Variants in BTAF1 observed in about 807,000 individuals in gnomAD.
BTAF1 encodes B-TFIID TATA-box binding protein associated factor 1, also known as TATA-binding protein-associated factor 172.
Under a neutral mutation model 227.1 loss-of-function variants are expected in BTAF1, and 38 were observed. That is an observed-to-expected ratio of 0.17 (90% confidence interval 0.13 to 0.22). The LOEUF is 0.22. Among genes scored for constraint, BTAF1 ranks in the 10% least tolerant of loss-of-function variants. The probability of loss-of-function intolerance (pLI) is 1.00; values close to 1 mark genes in which losing one functional copy is unlikely to be tolerated. For missense variants in BTAF1, 1,598 were observed against 2,204.0 expected (o/e 0.73, Z 5.51); for synonymous variants, 742 against 751.9 (o/e 0.99, Z 0.21).
intron 15 of BTAF1, 48 bp downstream of exon 15, chr10:91,980,606 A>G: frequency 1.4e-6 from 2 of 1,452,112 alleles, no homozygotes; most frequent in East Asian, 2.3e-5. Flanking sequence ...ACTTTTGTAG[A>G]TTTTTAAAAT....
chr10:91,953,673 C>A, intron 5 of BTAF1, 64 bp from the exon 6 acceptor site: 1 of 1,545,904 alleles, frequency 6.5e-7, no homozygotes, highest in South Asian at 1.2e-5. Flanking sequence ...TCTTCTGAGG[C>A]TGAGACTATA....
intron 2 of BTAF1, among the ~76,000 whole-genome samples, chr10:91,937,256 G>A (rs1278746980): frequency 6.6e-6 from 1 of 152,100 alleles, no homozygotes; most frequent in East Asian, 1.9e-4. Flanking sequence ...GCCTCCCAAA[G>A]TGCTGGGATT....
At position 91,997,861 on chromosome 10, in the gene BTAF1, C is replaced by T. The variant is rs1337836748; in HGVS notation, c.3660+110C>T. On this transcript the variant is annotated intron_variant, in intron 25 of 37. Coordinates refer to ENST00000265990, the MANE Select transcript of BTAF1 (RefSeq NM_003972.3). ...CAAAGGCTCATGCCTGTAATCCCAG[C>T]ACTTTCTGAGGCTGAGGTGGGTGGA... 7 of 1,139,870 alleles carry T rather than the reference C, an allele frequency of 6.1e-6. No homozygotes were observed. In the African/African-American group the frequency reaches 1.1e-4, roughly 18 times the overall value. 70.6% of individuals were successfully genotyped at this position (1,139,870 alleles called of 1,614,324 possible).
chr10:91,963,637 A>G (rs938084189), intron 12 of BTAF1, among the ~76,000 whole-genome samples: 4 of 152,170 alleles, frequency 2.6e-5, no homozygotes, highest in African/African-American at 9.7e-5. Flanking sequence ...TATCAAAATC[A>G]GAACACAAAG....
rs1848251423 is a variant in BTAF1 at position 91,984,249 on chromosome 10, C to T, written c.2272C>T (p.Leu758Phe). 1 of 1,613,882 alleles carries T rather than the reference C, an allele frequency of 6.2e-7. No homozygotes were observed. Among genetic ancestry groups the T allele is most frequent in the Non-Finnish European group, 8.5e-7 (1 of 1,179,914 alleles). The change falls in exon 19 of 38, where the codon CTT becomes TTT. Residue 758 changes from leucine to phenylalanine, a missense_variant. This residue lies in a region of BTAF1 where 318 missense variants were observed against 435.0 expected (regional missense o/e 0.73). Coordinates refer to ENST00000265990, the MANE Select transcript of BTAF1 (RefSeq NM_003972.3). ...TGTGCAGCCGCGTTTACTTGATATC[C>T]TTTCAGAACATTTATATTATGACGA... Reference protein sequence around the residue: ...LAVQPRLLDILSEHLYYDEIA... With the variant: ...LAVQPRLLDIFSEHLYYDEIA...
At chr10:91,947,544 T>G (rs539872743) in intron 4 of BTAF1, among the ~76,000 whole-genome samples, 1 of 152,262 alleles carries the variant, frequency 6.6e-6, no homozygotes, top group South Asian at 2.1e-4. Context: ...ATTTCAGGAC[T>G]CTTAATTCTA....
At chr10:91,944,122 A>C (rs528300890) in intron 4 of BTAF1, among the ~76,000 whole-genome samples, 3 of 151,492 alleles carry the variant, frequency 2.0e-5, no homozygotes, top group Non-Finnish European at 2.9e-5. Context: ...ATTGCACTCC[A>C]GCCTGGGTGA....
intron 20 of BTAF1, among the ~76,000 whole-genome samples, chr10:91,991,801 A>G (rs1273664694): frequency 5.7e-3 from 30 of 5,222 alleles, no homozygotes; most frequent in African/African-American, 0.01. Context: ...GTGTGTGTAT[A>G]TATATATATA....
intron 17 of BTAF1, 154 bp from the exon 18 acceptor site, chr10:91,982,433 A>G (rs1848132031): frequency 9.4e-7 from 1 of 1,067,358 alleles, no homozygotes; most frequent in Non-Finnish European, 1.3e-6. Context: ...TATGAAGACA[A>G]GATAGTCATT....
At chr10:91,959,507 ATATAG>A (rs1846339714) in intron 9 of BTAF1, among the ~76,000 whole-genome samples, 1 of 151,904 alleles carries the variant, frequency 6.6e-6, no homozygotes, top group African/African-American at 2.4e-5. Context: ...AAGAATTGTG[ATATAG>A]TATATCTGAA....
At chr10:91,953,473 C>G (rs541341190) in intron 5 of BTAF1, among the ~76,000 whole-genome samples, 1 of 152,040 alleles carries the variant, frequency 6.6e-6, no homozygotes, top group Admixed American at 6.5e-5. Context: ...GGGTTAGGAT[C>G]ATACATTTGT....
At chr10:91,951,289 T>C (rs1427019673) in intron 4 of BTAF1, 114 bp from the exon 5 acceptor site, 11 of 1,118,810 alleles carry the variant, frequency 9.8e-6, no homozygotes, top group Non-Finnish European at 1.4e-5. Flanking sequence ...ATGGTTGGTT[T>C]TATTGGCAGA....
At position 92,024,904 on chromosome 10, in the gene BTAF1, C is replaced by T. The variant is rs1283081389; in HGVS notation, c.5012C>T (p.Ser1671Phe). The T allele has an allele frequency of 6.2e-7, 1 of 1,614,086 alleles. No individual in the cohort carries two copies. The change falls in exon 35 of 38, where the codon TCT becomes TTT. Residue 1671 changes from serine to phenylalanine, a missense_variant. By Grantham distance (155) the Ser-to-Phe change is radical. Around this residue, in one of 10 missense-constraint regions of BTAF1, gnomAD observed 205 missense variants for 244.5 expected, o/e 0.84. Transcript: ENST00000265990. The part of the protein sequence containing the change: ...EHDLLKPHLP[S>F]VTYLRLDGSI... ...GATCTCCTCAAACCTCACTTGCCCT[C>T]TGTCACTTATTTGAGATTAGATGGC...
chr10:92,011,727 A>G (rs1044417793), intron 30 of BTAF1, among the ~76,000 whole-genome samples: 1 of 152,228 alleles, frequency 6.6e-6, no homozygotes, highest in South Asian at 2.1e-4. Context: ...GTACACTGCA[A>G]TCTGATTTAG....
At position 91,996,442 on chromosome 10, in the gene BTAF1, G is replaced by A. The variant is rs763678052; in HGVS notation, c.3383G>A (p.Arg1128His). 8 of 1,614,032 alleles carry A rather than the reference G, an allele frequency of 5.0e-6. No homozygotes were observed. Among genetic ancestry groups the A allele is most frequent in the Admixed American group, 1.7e-5 (1 of 59,994 alleles). Residue 1128 changes from arginine (R) to histidine (H), a missense_variant, in exon 24 of 38, where the codon CGT becomes CAT. Arg to His is a conservative substitution (Grantham distance 29). Coordinates refer to ENST00000265990, the MANE Select transcript of BTAF1 (RefSeq NM_003972.3). ...ACTGCAGTGAGGCACATGGCTGCTC[G>A]TTGTGTAGGTGTCATGAGCAAAATA... is the stretch of plus-strand genomic sequence containing the variant. ...PSTAVRHMAA[R>H]CVGVMSKIAT...
chr10:92,009,760 G>A (rs941924022), intron 28 of BTAF1, among the ~76,000 whole-genome samples: 1 of 152,046 alleles, frequency 6.6e-6, no homozygotes, highest in African/African-American at 2.4e-5. Context: ...TTTAGCTGCC[G>A]CTGCAGTCAT....
chr10:91,923,957 G>T lies in BTAF1; in HGVS notation c.-120G>T. On this transcript the variant is annotated 5_prime_UTR_variant, in exon 1 of 38. Transcript: ENST00000265990. ...GGCCTGCGCTGGAACGCCCCACGCCGCACCGGCCGCTCCCCTGTGCTCCGC... is the reference window on the plus strand; with the variant it reads ...GGCCTGCGCTGGAACGCCCCACGCCTCACCGGCCGCTCCCCTGTGCTCCGC... 4 of 1,304,460 alleles carry T rather than the reference G, an allele frequency of 3.1e-6. No individual in the cohort carries two copies. The highest frequency in any genetic ancestry group is 4.0e-6 in the Non-Finnish European group (4 of 993,366). The allele number at this position is 1,304,460 out of a possible 1,614,324, so 80.8% of individuals were successfully genotyped here.
chr10:92,027,191 G>C lies in BTAF1; in HGVS notation c.5297G>C (p.Gly1766Ala). 1 of 1,613,918 alleles carries C rather than the reference G, an allele frequency of 6.2e-7. No homozygotes were observed. Among genetic ancestry groups the C allele is most frequent in the East Asian group, 2.2e-5 (1 of 44,844 alleles). Residue 1766 changes from glycine to alanine, a missense_variant, in exon 37 of 38, where the codon GGG becomes GCG. Physicochemically the swap from Gly to Ala is moderately conservative, Grantham distance 60. Coordinates refer to ENST00000265990, the MANE Select transcript of BTAF1 (RefSeq NM_003972.3). The part of the protein sequence containing the change: ...TRGTLEEKIM[G>A]LQKFKMNIAN... ...GGAACATTGGAAGAAAAAATAATGGGGTTGCAGAAATTCAAGATGAACATA... is the reference window on the plus strand; with the variant it reads ...GGAACATTGGAAGAAAAAATAATGGCGTTGCAGAAATTCAAGATGAACATA...
intron 3 of BTAF1, among the ~76,000 whole-genome samples, 187 bp downstream of exon 3, chr10:91,940,253 A>T (rs1013716845): frequency 6.6e-6 from 1 of 152,158 alleles, no homozygotes; most frequent in Middle Eastern, 3.4e-3. Context: ...AAACTACTGG[A>T]TATAGAAAAT....
Sources: gnomAD v4.1 joint callset for allele counts (sites outside exome capture counted in the v4.1 genomes callset) on GRCh38, gnomAD v4.1.1 for gene constraint, gnomAD v4.1.1 regional missense constraint, MANE v1.5 for transcripts, NCBI Gene and HGNC (gene_info 2026-07-23, HGNC 2026-07-21) for gene names.